GSTCD: variants seen among roughly 807,000 people sequenced by gnomAD.
GSTCD encodes glutathione S-transferase C-terminal domain containing, also known as glutathione S-transferase C-terminal domain-containing protein.
GSTCD carries 44 observed loss-of-function variants against 68.3 expected under a neutral mutation model. That is an observed-to-expected ratio of 0.64 (90% confidence interval 0.51 to 0.83). The LOEUF is 0.83. Among genes scored for constraint, GSTCD ranks in the 40% least tolerant of loss-of-function variants. The probability of loss-of-function intolerance (pLI) is 0.00; values close to 1 mark genes in which losing one functional copy is unlikely to be tolerated. For synonymous variants in GSTCD, 273 were observed against 255.2 expected, an observed-to-expected ratio of 1.07 and a Z score of -0.67; for missense variants, 739 against 735.9, an observed-to-expected ratio of 1.00 and a Z score of -0.05.
rs147730618 is a variant in GSTCD, at chr4:105,797,355, T to C, written c.1241-25599T>C. ...CGATATTGCAGGTTCAGTTCCATAC[T>C]ACCACAATGAAGTGAATATTGCAAT... On this transcript the variant is annotated intron_variant, in intron 5 of 11. Coordinates refer to ENST00000515279, the MANE Select transcript of GSTCD (RefSeq NM_001370181.1). 1.2e-3 allele frequency among the ~76,000 whole-genome samples: 188 copies of C among 152,282 alleles called. 2 individuals carry two copies. Among genetic ancestry groups the C allele is most frequent in the African/African-American group, 4.4e-3 (182 of 41,574 alleles).
chr4:105,837,133 C>G (rs1483584812), intron 9 of GSTCD, among the ~76,000 whole-genome samples: 1 of 152,068 alleles, frequency 6.6e-6, no homozygotes, highest in Non-Finnish European at 1.5e-5. Context: ...ATTTGCTAAT[C>G]CTGGAGAGAC....
At chr4:105,721,203 A>C (rs941078977) in intron 3 of GSTCD, among the ~76,000 whole-genome samples, 26 of 152,042 alleles carry the variant, frequency 1.7e-4, no homozygotes, top group African/African-American at 6.3e-4. Flanking sequence ...CGAACTCCTG[A>C]CCTTGTGATC....
chr4:105,718,930 A>G, intron 2 of GSTCD, 130 bp from the exon 3 acceptor site: 1 of 686,894 alleles, frequency 1.5e-6, no homozygotes. Flanking sequence ...GTGTCTCCTG[A>G]TACAACATAA....
intron 5 of GSTCD, among the ~76,000 whole-genome samples, chr4:105,813,411 A>G (rs1722834009): frequency 1.3e-5 from 2 of 152,216 alleles, no homozygotes; most frequent in African/African-American, 4.8e-5. Context: ...ACTTATTACA[A>G]ACTTTGTTTT....
rs70941214 is a variant in GSTCD, at chr4:105,755,056, C to CAAAAAAAAAAAAAAAAAAAAAAAAAAAAA, written c.1240+25572_1240+25600dup. Among the ~76,000 whole-genome samples the CAAAAAAAAAAAAAAAAAAAAAAAAAAAAA allele has an allele frequency of 3.9e-5, 2 of 50,986 alleles. 1 individual carries two copies. Among genetic ancestry groups the CAAAAAAAAAAAAAAAAAAAAAAAAAAAAA allele is most frequent in the Non-Finnish European group, 6.9e-5 (2 of 29,170 alleles). 33.4% of individuals were successfully genotyped at this position (50,986 alleles called of 152,430 possible). On this transcript the variant is annotated intron_variant, in intron 5 of 11. Coordinates refer to ENST00000515279, the MANE Select transcript of GSTCD (RefSeq NM_001370181.1). The stretch of plus-strand genomic sequence containing the variant: ...GCAACATAGTGAGACCTCATTTCTC[C>CAAAAAAAAAAAAAAAAAAAAAAAAAAAAA]AAAAAAAAAAAAAAAAAAAAAAAAA...
At chr4:105,762,194 G>T (rs1367780461) in intron 5 of GSTCD, among the ~76,000 whole-genome samples, 2 of 152,128 alleles carry the variant, frequency 1.3e-5, no homozygotes, top group African/African-American at 2.4e-5. Flanking sequence ...TCAGCCGTAT[G>T]GTGGGCACCC....
At position 105,729,389 on chromosome 4, in the gene GSTCD, G is replaced by A. The variant is rs938078910; in HGVS notation, c.1147-17G>A. The A allele has an allele frequency of 4.7e-6, 7 of 1,500,482 alleles. No homozygotes were observed. The African/African-American group carries it at 8.3e-5, about 18-fold the overall frequency. 92.9% of individuals were successfully genotyped at this position (1,500,482 alleles called of 1,614,324 possible). On this transcript the variant is annotated splice_polypyrimidine_tract_variant and intron_variant, in intron 4 of 11. Coordinates refer to ENST00000515279, the MANE Select transcript of GSTCD (RefSeq NM_001370181.1). ...TATTAATTCCTTAATTTAGAAAGAG[G>A]CTATTTCCTTTTCTAGGAAAAGGGC...
At chr4:105,729,639 T>C in intron 5 of GSTCD, 140 bp downstream of exon 5, 1 of 455,954 alleles carries the variant, frequency 2.2e-6, no homozygotes, top group Non-Finnish European at 3.8e-6. Context: ...TTATTTTTCT[T>C]ATGAAAATTA....
intron 5 of GSTCD, among the ~76,000 whole-genome samples, chr4:105,748,240 G>A (rs973694260): frequency 7.2e-5 from 11 of 152,050 alleles, no homozygotes; most frequent in South Asian, 4.1e-4. Context: ...GGGCGACAGA[G>A]TGAGACTCCA....
At chr4:105,815,375 T>G (rs1722933651) in intron 5 of GSTCD, 1 of 152,122 alleles carries the variant, frequency 6.6e-6, no homozygotes, top group South Asian at 2.1e-4. Context: ...GAAGCTGAGA[T>G]TTAATAACAG....
At chr4:105,791,762 CT>C (rs1735684209) in intron 5 of GSTCD, among the ~76,000 whole-genome samples, 1 of 144,730 alleles carries the variant, frequency 6.9e-6, no homozygotes, top group Non-Finnish European at 1.5e-5. Flanking sequence ...GTACTTAAAA[CT>C]TTTGTTGAAT....
At position 105,842,065 on chromosome 4, in the gene GSTCD, GA is replaced by G; in HGVS notation, c.1698del (p.Glu566AspfsTer3). The G allele has an allele frequency of 3.1e-6, 5 of 1,612,722 alleles. No individual in the cohort carries two copies. The highest frequency in any genetic ancestry group is 4.2e-6 in the Non-Finnish European group (5 of 1,178,862). On this transcript the variant is annotated frameshift_variant and splice_region_variant, in exon 11 of 12. Coordinates refer to ENST00000515279, the MANE Select transcript of GSTCD (RefSeq NM_001370181.1). LOFTEE classifies it high-confidence loss of function. Reference sequence around the variant, plus strand: ...CACATTCTATTGCTTTTTCTTTTAGGAACACATGATTCTGTGCAGATTTGCA... The same window carrying G: ...CACATTCTATTGCTTTTTCTTTTAGGACACATGATTCTGTGCAGATTTGCA... ...EQFKKTLSYKEHMILCRFADQ... is the reference protein window; with the variant it reads ...EQFKKTLSYKXHMILCRFADQ...
chr4:105,825,525 A>G (rs536953942), intron 7 of GSTCD, 147 bp from the exon 8 acceptor site: 16 of 468,842 alleles, frequency 3.4e-5, no homozygotes, highest in Middle Eastern at 1.3e-3. Flanking sequence ...TTTCTGTACC[A>G]GATTATGTGA....
chr4:105,746,454 A>G (rs1423386783), intron 5 of GSTCD: 2 of 152,120 alleles, frequency 1.3e-5, no homozygotes, highest in African/African-American at 4.8e-5. Context: ...TTAATGCAAG[A>G]GTTTTATCAG....
chr4:105,727,221 G>A (rs1052541833), intron 4 of GSTCD, among the ~76,000 whole-genome samples: 1 of 151,086 alleles, frequency 6.6e-6, no homozygotes, highest in African/African-American at 2.4e-5. Context: ...GATAATGATT[G>A]CAAGTTAAAT....
chr4:105,817,190 T>C (rs1045660496), intron 5 of GSTCD, among the ~76,000 whole-genome samples: 1 of 151,824 alleles, frequency 6.6e-6, no homozygotes, highest in African/African-American at 2.4e-5. Context: ...AAACTAAGAG[T>C]TATATATCTT....
intron 5 of GSTCD, among the ~76,000 whole-genome samples, chr4:105,762,301 A>G (rs1734440499): frequency 6.6e-6 from 1 of 152,232 alleles, no homozygotes; most frequent in African/African-American, 2.4e-5. Flanking sequence ...TAACTCATTT[A>G]GTTTCTCCCC....
intron 4 of GSTCD, among the ~76,000 whole-genome samples, chr4:105,727,386 T>C (rs1455219111): frequency 2.0e-5 from 3 of 151,888 alleles, no homozygotes; most frequent in Non-Finnish European, 2.9e-5. Flanking sequence ...TAGCTGGGTG[T>C]GGTGGCACGT....
intron 5 of GSTCD, among the ~76,000 whole-genome samples, chr4:105,790,451 C>T (rs1002202554): frequency 1.3e-5 from 2 of 152,004 alleles, no homozygotes; most frequent in African/African-American, 4.8e-5. Context: ...CCACCCTAGG[C>T]AACATAGTAA....
Sources: gnomAD v4.1 joint callset for allele counts (sites outside exome capture counted in the v4.1 genomes callset) on GRCh38, gnomAD v4.1.1 for gene constraint, MANE v1.5 for transcripts, NCBI Gene and HGNC (gene_info 2026-07-23, HGNC 2026-07-21) for gene names.